The following PALM2AKAP2 variants were observed in gnomAD, a reference collection of about 807,000 sequenced individuals.
The protein encoded by PALM2AKAP2 is PALM2 and AKAP2 fusion.
A neutral mutation model predicts 71.5 loss-of-function variants in PALM2AKAP2; 37 were observed. The observed-to-expected ratio is 0.52, with a 90% CI of 0.40 to 0.68. PALM2AKAP2 has a LOEUF of 0.68. PALM2AKAP2 is among the 30% of genes least tolerant of loss of function. The probability of loss-of-function intolerance (pLI) is 0.00; values close to 1 mark genes in which losing one functional copy is unlikely to be tolerated. For synonymous variants in PALM2AKAP2, 468 were observed against 478.8 expected, an observed-to-expected ratio of 0.98 and a Z score of 0.29; for missense variants, 1,224 against 1,191.8, an observed-to-expected ratio of 1.03 and a Z score of -0.40.
intron 1 of PALM2AKAP2, among the ~76,000 whole-genome samples, chr9:109,764,088 C>T (rs957132485): frequency 2.0e-5 from 3 of 152,150 alleles, no homozygotes; most frequent in Admixed American, 2.0e-4. Context: ...ACTTTCAATT[C>T]AGGCTCCTAT....
At chr9:110,007,368 T>C (rs1832804804) in intron 6 of PALM2AKAP2, among the ~76,000 whole-genome samples, 1 of 152,254 alleles carries the variant, frequency 6.6e-6, no homozygotes, top group South Asian at 2.1e-4. Context: ...AGGATGACTG[T>C]TCCCACAGTT....
chr9:110,088,707 T>TGTTTTG (rs1564297907), intron 1 of PALM2AKAP2, among the ~76,000 whole-genome samples: 3 of 59,982 alleles, frequency 5.0e-5, no homozygotes, highest in Non-Finnish European at 9.6e-5. Flanking sequence ...TTACGTGTTT[T>TGTTTTG]TTTTTTTTTT....
At chr9:109,834,127 C>T (rs1012084146) in intron 1 of PALM2AKAP2, among the ~76,000 whole-genome samples, 11 of 152,198 alleles carry the variant, frequency 7.2e-5, no homozygotes, top group Admixed American at 1.3e-4. Context: ...ACACAGGAAT[C>T]GCTTGAACCT....
chr9:110,103,038 C>A (rs1354981793), intron 1 of PALM2AKAP2, among the ~76,000 whole-genome samples: 1 of 152,152 alleles, frequency 6.6e-6, no homozygotes, highest in African/African-American at 2.4e-5. Context: ...CTTCTACCCA[C>A]CCTTTGTGAC....
At chr9:109,847,668 G>A (rs1334264437) in intron 1 of PALM2AKAP2, 1 of 151,604 alleles carries the variant, frequency 6.6e-6, no homozygotes, top group African/African-American at 2.4e-5. Context: ...GTGAACCCAG[G>A]AGGCAGAGCT....
intron 1 of PALM2AKAP2, among the ~76,000 whole-genome samples, chr9:109,708,560 C>T (rs1224664412): frequency 7.2e-5 from 11 of 152,106 alleles, no homozygotes; most frequent in East Asian, 1.9e-4. Flanking sequence ...CCATGTGCAC[C>T]GCCAAGACTT....
intron 1 of PALM2AKAP2, among the ~76,000 whole-genome samples, chr9:109,659,582 A>G (rs1024292919): frequency 6.6e-6 from 1 of 152,180 alleles, no homozygotes. Context: ...ACACCATAGT[A>G]TATTATCAGT....
At chr9:110,139,410 T>G (rs1259496348) in intron 2 of PALM2AKAP2, among the ~76,000 whole-genome samples, 1 of 152,220 alleles carries the variant, frequency 6.6e-6, no homozygotes, top group Non-Finnish European at 1.5e-5. Context: ...CAGGAATCAT[T>G]TGCTACTGGT....
At chr9:109,856,776 A>G (rs1829179577) in intron 1 of PALM2AKAP2, among the ~76,000 whole-genome samples, 5 of 152,356 alleles carry the variant, frequency 3.3e-5, no homozygotes, top group Middle Eastern at 6.8e-3. Flanking sequence ...AGATACTGGC[A>G]TCTAAGAAAC....
At chr9:110,071,698 C>T (rs561806791) in intron 1 of PALM2AKAP2, among the ~76,000 whole-genome samples, 2 of 152,264 alleles carry the variant, frequency 1.3e-5, no homozygotes, top group African/African-American at 4.8e-5. Flanking sequence ...GGCATATTTT[C>T]CAATTAGCAC....
chr9:110,138,727 C>G (rs3739455), intron 2 of PALM2AKAP2, among the ~76,000 whole-genome samples, 188 bp downstream of exon 8: 20,370 of 152,200 alleles, frequency 0.13, 1,378 homozygotes, highest in East Asian at 0.2. Flanking sequence ...CTAGAAGAAC[C>G]CTGAGCTTGC....
At chr9:109,739,572 T>A (rs952636441) in intron 1 of PALM2AKAP2, among the ~76,000 whole-genome samples, 2 of 152,182 alleles carry the variant, frequency 1.3e-5, no homozygotes, top group Non-Finnish European at 2.9e-5. Flanking sequence ...TCCAGGATTT[T>A]CAATGATTAT....
intron 1 of PALM2AKAP2, among the ~76,000 whole-genome samples, chr9:109,715,255 G>A (rs1828299541): frequency 6.6e-6 from 1 of 152,288 alleles, no homozygotes; most frequent in Non-Finnish European, 1.5e-5. Context: ...GAATACCTAA[G>A]AATTAGAGAA....
At chr9:109,830,245 A>G (rs934511235) in intron 1 of PALM2AKAP2, among the ~76,000 whole-genome samples, 2 of 152,182 alleles carry the variant, frequency 1.3e-5, no homozygotes, top group African/African-American at 4.8e-5. Context: ...TTGATTATAG[A>G]CGATTTTTAC....
intron 1 of PALM2AKAP2, among the ~76,000 whole-genome samples, chr9:109,851,640 A>G (rs770705998): frequency 2.6e-5 from 4 of 152,198 alleles, no homozygotes; most frequent in Non-Finnish European, 5.9e-5. Flanking sequence ...ACCTGCCTGC[A>G]TGAAGATGAT....
At chr9:109,687,043 T>C (rs1564112928) in intron 1 of PALM2AKAP2, among the ~76,000 whole-genome samples, 1 of 152,202 alleles carries the variant, frequency 6.6e-6, no homozygotes. Context: ...TTCCATGGTG[T>C]ATATGTGCCA....
intron 6 of PALM2AKAP2, among the ~76,000 whole-genome samples, chr9:109,959,776 G>A (rs888914049): frequency 8.5e-5 from 13 of 152,050 alleles, no homozygotes; most frequent in African/African-American, 2.7e-4. Flanking sequence ...AAGAGAGTTT[G>A]TTTTCATGTC....
chr9:110,049,151 C>T (rs762683303), intron 1 of PALM2AKAP2, among the ~76,000 whole-genome samples: 15 of 152,294 alleles, frequency 9.8e-5, no homozygotes, highest in Non-Finnish European at 1.6e-4. Flanking sequence ...AAACGCAGGA[C>T]TCCGCTTCTC....
intron 1 of PALM2AKAP2, among the ~76,000 whole-genome samples, chr9:109,717,759 C>T (rs942779981): frequency 3.9e-5 from 6 of 152,172 alleles, no homozygotes; most frequent in South Asian, 2.1e-4. Flanking sequence ...CCTAAGCCCT[C>T]GACAGAAAAG....
Sources: allele counts gnomAD v4.1 joint callset (sites outside exome capture counted in the v4.1 genomes callset), GRCh38; gene constraint gnomAD v4.1.1; transcripts MANE v1.5; gene names NCBI Gene and HGNC (gene_info 2026-07-23, HGNC 2026-07-21).